The following DLGAP2 variants were observed in gnomAD, a reference collection of about 807,000 sequenced individuals.
The protein encoded by DLGAP2 is DLG associated protein 2.
DLGAP2 carries 26 observed loss-of-function variants against 100.3 expected under a neutral mutation model. The observed-to-expected ratio is 0.26, with a 90% confidence interval of 0.19 to 0.36. The LOEUF (loss-of-function observed/expected upper bound fraction) is 0.36, where lower values mean the gene tolerates loss of function less well. DLGAP2 is among the 10% of genes least tolerant of loss of function. The pLI, the probability that DLGAP2 is intolerant of heterozygous loss-of-function variation, is 1.00. For missense variants in DLGAP2, 1,858 were observed against 1,453.2 expected (o/e 1.28, Z -4.53); for synonymous variants, 886 against 630.1 (o/e 1.41, Z -6.08).
At chr8:1,078,084 C>T (rs1803684305) in intron 2 of DLGAP2, among the ~76,000 whole-genome samples, 3 of 152,160 alleles carry the variant, frequency 2.0e-5, no homozygotes, top group Admixed American at 2.0e-4. Flanking sequence ...CCTTCTGTCC[C>T]TGGTTTTCCT....
At chr8:1,431,976 CG>C (rs907229094) in intron 3 of DLGAP2, among the ~76,000 whole-genome samples, 1 of 148,166 alleles carries the variant, frequency 6.7e-6, no homozygotes, top group African/African-American at 2.5e-5. Flanking sequence ...TGCCATCCAT[CG>C]GGGCTGAATC....
chr8:1,171,494 C>T (rs1164174486), intron 2 of DLGAP2, among the ~76,000 whole-genome samples: 1 of 151,734 alleles, frequency 6.6e-6, no homozygotes, highest in Non-Finnish European at 1.5e-5. Context: ...ATTAAAGTCT[C>T]CCATTATTAA....
At chr8:1,542,046 A>G (rs1801380285) in intron 4 of DLGAP2, among the ~76,000 whole-genome samples, 1 of 152,264 alleles carries the variant, frequency 6.6e-6, no homozygotes, top group African/African-American at 2.4e-5. Flanking sequence ...CTTCAGCCAC[A>G]TTCTTTGTTC....
rs148005856 is a variant in DLGAP2 at position 1,438,810 on chromosome 8, G to A, written c.107-62556G>A. On this transcript the variant is annotated intron_variant, in intron 3 of 14. Coordinates refer to ENST00000637795, the MANE Select transcript of DLGAP2 (RefSeq NM_001346810.2). ...TATGTTGCTGGTTGCTATGGAAACT[G>A]CCATCCACAAATGTTTCCTGAGCAG... Among the ~76,000 whole-genome samples, 186 of 152,314 alleles carry A rather than the reference G, an allele frequency of 1.2e-3. 1 individual carries two copies. Among genetic ancestry groups the A allele is most frequent in the African/African-American group, 4.2e-3 (174 of 41,568 alleles).
chr8:927,720 T>C (rs1202016721), intron 2 of DLGAP2, among the ~76,000 whole-genome samples: 3 of 152,098 alleles, frequency 2.0e-5, no homozygotes, highest in Non-Finnish European at 2.9e-5. Flanking sequence ...TTGGGATGTA[T>C]GGAGCAGGAA....
intron 2 of DLGAP2, among the ~76,000 whole-genome samples, chr8:1,181,346 C>G (rs138266067): frequency 7.2e-5 from 11 of 152,238 alleles, no homozygotes; most frequent in African/African-American, 1.2e-4. Flanking sequence ...ACTGTTTGAT[C>G]TTTAACAATG....
intron 1 of DLGAP2, among the ~76,000 whole-genome samples, chr8:883,719 C>T (rs957459451): frequency 2.0e-5 from 3 of 151,940 alleles, no homozygotes; most frequent in African/African-American, 4.8e-5. Flanking sequence ...CGCGGCCGTT[C>T]GTTACGTAGG....
chr8:1,341,375 T>C lies in DLGAP2; in HGVS notation c.106+82492T>C, dbSNP rs144570817. On this transcript the variant is annotated intron_variant, in intron 3 of 14. Coordinates refer to ENST00000637795, the MANE Select transcript of DLGAP2 (RefSeq NM_001346810.2). ...GGCATACTTTCTTTTTGCAGTACATTTAATTTTATTAGATCTTACCCAGAA... is the reference window on the plus strand; with the variant it reads ...GGCATACTTTCTTTTTGCAGTACATCTAATTTTATTAGATCTTACCCAGAA... Among the ~76,000 whole-genome samples, 68 of 152,364 alleles carry C rather than the reference T, an allele frequency of 4.5e-4. 1 individual carries two copies. The East Asian group carries it at 0.012, about 27-fold the overall frequency.
At chr8:1,121,557 A>G (rs1796048601) in intron 2 of DLGAP2, among the ~76,000 whole-genome samples, 2 of 150,944 alleles carry the variant, frequency 1.3e-5, no homozygotes, top group African/African-American at 4.9e-5. Context: ...ATGACCACCC[A>G]TCTTCTTCCC....
At chr8:743,609 G>C (rs1282956386) in intron 1 of DLGAP2, among the ~76,000 whole-genome samples, 1 of 152,174 alleles carries the variant, frequency 6.6e-6, no homozygotes, top group Non-Finnish European at 1.5e-5. Context: ...CTGTGTTTCA[G>C]GTTGGAGTGA....
At chr8:1,069,435 A>C (rs1024935580) in intron 2 of DLGAP2, among the ~76,000 whole-genome samples, 1 of 152,130 alleles carries the variant, frequency 6.6e-6, no homozygotes, top group African/African-American at 2.4e-5. Context: ...CTCAGCCCTT[A>C]AGGTCAACTG....
chr8:1,218,281 G>T (rs1482086460), intron 2 of DLGAP2, among the ~76,000 whole-genome samples: 2 of 152,154 alleles, frequency 1.3e-5, no homozygotes, highest in Non-Finnish European at 2.9e-5. Context: ...AAAAGGAAGT[G>T]GCCCAGTTTC....
intron 3 of DLGAP2, among the ~76,000 whole-genome samples, chr8:1,418,468 G>A (rs75788188): frequency 0.012 from 1,763 of 152,174 alleles, 26 homozygotes; most frequent in African/African-American, 0.036. Flanking sequence ...TATAGCCATC[G>A]TTAACTTCTT....
rs557096801 is a variant in DLGAP2 at position 1,276,361 on chromosome 8, G to A, written c.106+17478G>A. ...ATGAATTCACTTGGAATGTAGATTC[G>A]CGTCGGGCACTATCAGATGGAACCG... On this transcript the variant is annotated intron_variant, in intron 3 of 14. Coordinates refer to ENST00000637795, the MANE Select transcript of DLGAP2 (RefSeq NM_001346810.2). Among the ~76,000 whole-genome samples, 989 of 152,032 alleles carry A rather than the reference G, an allele frequency of 6.5e-3. 4 individuals carry two copies. The highest frequency in any genetic ancestry group is 0.011 in the Non-Finnish European group (759 of 68,002).
chr8:845,142 T>G (rs1014688478), intron 1 of DLGAP2, among the ~76,000 whole-genome samples: 5 of 152,248 alleles, frequency 3.3e-5, no homozygotes, highest in Admixed American at 3.3e-4. Flanking sequence ...CACAACTTTT[T>G]GCGTGAACAT....
intron 2 of DLGAP2, among the ~76,000 whole-genome samples, chr8:1,081,610 C>A (rs1377516379): frequency 6.6e-6 from 1 of 152,182 alleles, no homozygotes; most frequent in African/African-American, 2.4e-5. Context: ...CTTGGCCTCC[C>A]AAAGTGCATG....
At chr8:1,159,868 C>G (rs934996556) in intron 2 of DLGAP2, among the ~76,000 whole-genome samples, 2 of 152,132 alleles carry the variant, frequency 1.3e-5, no homozygotes, top group African/African-American at 2.4e-5. Context: ...TGTCTACAGG[C>G]CCCCCAACCC....
rs182205260 is a variant in DLGAP2 at position 841,563 on chromosome 8, C to G, written c.19-66349C>G. Among the ~76,000 whole-genome samples, 753 of 152,254 alleles carry G rather than the reference C, an allele frequency of 4.9e-3. 1 individual carries two copies. The highest frequency in any genetic ancestry group is 7.4e-3 in the Non-Finnish European group (504 of 68,028). On this transcript the variant is annotated intron_variant, in intron 1 of 14. Coordinates refer to ENST00000637795, the MANE Select transcript of DLGAP2 (RefSeq NM_001346810.2). ...GTTTCTAGACCCTTGTAAGGCAGAG[C>G]TAGAAATACATGTGATTTTTTTTTT...
intron 2 of DLGAP2, among the ~76,000 whole-genome samples, chr8:984,358 A>G (rs907134355): frequency 1.3e-5 from 2 of 152,164 alleles, no homozygotes; most frequent in African/African-American, 4.8e-5. Flanking sequence ...TGCTCAGTCC[A>G]TAAAAAAACT....
Sources: gnomAD v4.1 joint callset for allele counts (sites outside exome capture counted in the v4.1 genomes callset) on GRCh38, gnomAD v4.1.1 for gene constraint, MANE v1.5 for transcripts, NCBI Gene and HGNC (gene_info 2026-07-23, HGNC 2026-07-21) for gene names.